SESN1: variants seen among roughly 807,000 people sequenced by gnomAD.
SESN1 encodes sestrin 1, also known as sestrin-1.
In SESN1, 30 loss-of-function variants were observed where a neutral mutation model predicts 59.3. The ratio of observed to expected loss-of-function variants is 0.51; its 90% CI spans 0.38 to 0.69. SESN1 has a LOEUF of 0.69. Among genes scored for constraint, SESN1 ranks in the 30% least tolerant of loss-of-function variants. The pLI, the probability that SESN1 is intolerant of heterozygous loss-of-function variation, is 0.00. For synonymous variants in SESN1, 197 were observed against 219.9 expected (o/e 0.90, Z 0.92); for missense variants, 566 against 673.0 (o/e 0.84, Z 1.76).
At chr6:109,043,140 C>A (rs984304967) in intron 1 of SESN1, among the ~76,000 whole-genome samples, 11 of 152,082 alleles carry the variant, frequency 7.2e-5, no homozygotes, top group African/African-American at 2.7e-4. Flanking sequence ...AAATTTAACA[C>A]TCATTTATGA....
intron 1 of SESN1, among the ~76,000 whole-genome samples, chr6:109,025,970 C>A (rs1780086564): frequency 6.7e-6 from 1 of 149,108 alleles, no homozygotes; most frequent in Non-Finnish European, 1.5e-5. Flanking sequence ...TTTCAGGAAG[C>A]ACAATGAATC....
At chr6:109,071,483 C>T (rs1356096312) in intron 1 of SESN1, among the ~76,000 whole-genome samples, 7 of 151,640 alleles carry the variant, frequency 4.6e-5, no homozygotes, top group African/African-American at 1.2e-4. Flanking sequence ...GTAACTTCCT[C>T]GAGGTTAGAC....
chr6:109,077,742 A>G (rs1324739757), intron 1 of SESN1, among the ~76,000 whole-genome samples: 2 of 152,146 alleles, frequency 1.3e-5, no homozygotes, highest in Non-Finnish European at 2.9e-5. Context: ...TCAGAAACTT[A>G]ATCTAACATT....
intron 1 of SESN1, among the ~76,000 whole-genome samples, chr6:109,016,060 C>T (rs1779922863): frequency 6.6e-6 from 1 of 152,086 alleles, no homozygotes; most frequent in Non-Finnish European, 1.5e-5. Flanking sequence ...TATCCTGAAC[C>T]CACAGACTTA....
rs1196032474 is a variant in SESN1 at position 109,002,296 on chromosome 6, T to A, written c.327A>T (p.Arg109Ser). 3 of 1,613,414 alleles carry A rather than the reference T, an allele frequency of 1.9e-6. No individual in the cohort carries two copies. The highest frequency in any genetic ancestry group is 4.5e-5 in the East Asian group (2 of 44,848). Residue 109 changes from arginine to serine, a missense_variant, in exon 2 of 10, where the codon AGA (arginine) becomes AGT (serine). Physicochemically the swap from Arg to Ser is moderately radical, Grantham distance 110 (BLOSUM62 -1). Transcript: ENST00000436639. ...AACGTACCTCCTTTTCTGGGATGAA[T>A]CTGCTTGGTCCCTGTCCTAGTGGTC... is the stretch of plus-strand genomic sequence containing the variant. ...IPRPLGQGPSRFIPEKEILQV... is the reference protein window; with the variant it reads ...IPRPLGQGPSSFIPEKEILQV...
chr6:109,057,141 T>A lies in SESN1; in HGVS notation c.279+36654A>T, dbSNP rs567684087. ...CAGAGGACTGCAGCTCCAGCTGGTA[T>A]CTTGACTGCAACCTCATAAGGGACC... On this transcript the variant is annotated intron_variant, in intron 1 of 9. Coordinates refer to ENST00000436639, the MANE Select transcript of SESN1 (RefSeq NM_014454.3). 9.2e-4 allele frequency among the ~76,000 whole-genome samples: 140 copies of A among 152,332 alleles called. No individual in the cohort carries two copies. In the South Asian group the frequency reaches 0.013, roughly 14 times the overall value.
chr6:109,036,859 C>T (rs1216732600), intron 1 of SESN1, among the ~76,000 whole-genome samples: 1 of 152,156 alleles, frequency 6.6e-6, no homozygotes. Context: ...AAAATAATTA[C>T]AGTAAAATAA....
At chr6:108,999,002 G>GT (rs1167499909) in intron 4 of SESN1, 6 of 302,672 alleles carry the variant, frequency 2.0e-5, no homozygotes, top group African/African-American at 4.4e-5. Flanking sequence ...GACTTAAAAT[G>GT]TAAGAGAATG....
intron 5 of SESN1, 76 bp from the exon 6 acceptor site, chr6:108,994,685 T>C: frequency 1.5e-6 from 1 of 647,188 alleles, no homozygotes; most frequent in South Asian, 2.4e-5. Context: ...GTCTGTCTCA[T>C]AAGAATTTAT....
chr6:109,068,484 G>C (rs1780872429), intron 1 of SESN1, among the ~76,000 whole-genome samples: 1 of 151,898 alleles, frequency 6.6e-6, no homozygotes, highest in Non-Finnish European at 1.5e-5. Flanking sequence ...TAAGTTCAGG[G>C]AACTCTCCAA....
chr6:109,041,193 T>A lies in SESN1; in HGVS notation c.280-38850A>T, dbSNP rs138584290. ...CAGGCATTGTGGCATGCACCTATAG[T>A]CCCAGCTACTTGGGGGGCTTAGGCA... On this transcript the variant is annotated intron_variant, in intron 1 of 9. Transcript: ENST00000436639. Among the ~76,000 whole-genome samples the A allele has an allele frequency of 7.2e-3, 1,080 of 150,536 alleles. 18 individuals carry two copies. The highest frequency in any genetic ancestry group is 0.025 in the African/African-American group (1,030 of 41,050).
intron 1 of SESN1, chr6:109,008,810 A>G: frequency 7.1e-6 from 7 of 985,538 alleles, no homozygotes; most frequent in Non-Finnish European, 8.4e-6. Context: ...AACGCTGTGC[A>G]TAACGTCATA....
intron 1 of SESN1, among the ~76,000 whole-genome samples, chr6:109,043,374 A>G (rs1268377675): frequency 2.0e-5 from 3 of 152,146 alleles, no homozygotes; most frequent in African/African-American, 7.2e-5. Flanking sequence ...TAAAAGCCAT[A>G]CAGATAAAAA....
intron 1 of SESN1, among the ~76,000 whole-genome samples, chr6:109,079,555 T>C (rs1781086905): frequency 6.6e-6 from 1 of 152,210 alleles, no homozygotes; most frequent in Admixed American, 6.5e-5. Flanking sequence ...GATTTACAAT[T>C]AGAAAATCTC....
At chr6:109,058,003 A>AT (rs1256545930) in intron 1 of SESN1, among the ~76,000 whole-genome samples, 1 of 152,070 alleles carries the variant, frequency 6.6e-6, no homozygotes, top group Non-Finnish European at 1.5e-5. Flanking sequence ...GATGTACTGC[A>AT]TATACAACAG....
intron 5 of SESN1, among the ~76,000 whole-genome samples, chr6:108,996,698 T>C (rs1779508427): frequency 6.6e-6 from 1 of 152,176 alleles, no homozygotes; most frequent in African/African-American, 2.4e-5. Flanking sequence ...AAAACTCTTT[T>C]TTCTTTCCCT....
intron 1 of SESN1, among the ~76,000 whole-genome samples, chr6:109,041,579 G>A (rs1440013289): frequency 6.6e-6 from 1 of 151,988 alleles, no homozygotes; most frequent in African/African-American, 2.4e-5. Flanking sequence ...AGACTTCAGA[G>A]CAAAGAAAAT....
chr6:109,010,042 T>C (rs982618438), intron 1 of SESN1, among the ~76,000 whole-genome samples: 1 of 152,170 alleles, frequency 6.6e-6, no homozygotes, highest in Non-Finnish European at 1.5e-5. Flanking sequence ...CTTTGGCCTA[T>C]AATCAATGCA....
chr6:109,008,264 CAA>C (rs1779775531), intron 1 of SESN1, among the ~76,000 whole-genome samples: 1 of 152,086 alleles, frequency 6.6e-6, no homozygotes, highest in African/African-American at 2.4e-5. Context: ...CACTTCTACT[CAA>C]AAAGAGAAAA....
Sources: allele counts gnomAD v4.1 joint callset (sites outside exome capture counted in the v4.1 genomes callset), GRCh38; gene constraint gnomAD v4.1.1; transcripts MANE v1.5; gene names NCBI Gene and HGNC (gene_info 2026-07-23, HGNC 2026-07-21).